Variants in LRRC7 observed in about 807,000 individuals in gnomAD.
The protein encoded by LRRC7 is leucine-rich repeat-containing protein 7.
Under a neutral mutation model 175.7 loss-of-function variants are expected in LRRC7, and 23 were observed. That is an observed-to-expected ratio of 0.13 (90% CI 0.09 to 0.19). LRRC7 has a LOEUF of 0.19. Ranked by LOEUF, LRRC7 falls within the 10% of genes least tolerant of loss-of-function variation. The pLI is 1.00. For synonymous variants in LRRC7, 685 were observed against 680.9 expected (o/e 1.01, Z -0.09); for missense variants, 1,354 against 1,904.7 (o/e 0.71, Z 5.38).
chr1:69,960,364 C>A (rs1407147707), intron 8 of LRRC7, among the ~76,000 whole-genome samples: 2 of 151,940 alleles, frequency 1.3e-5, no homozygotes, highest in South Asian at 2.1e-4. Flanking sequence ...CTATTTGATT[C>A]TTTGCTCTTT....
At chr1:69,605,699 A>G (rs888665013) in intron 1 of LRRC7, among the ~76,000 whole-genome samples, 10 of 152,188 alleles carry the variant, frequency 6.6e-5, no homozygotes, top group Admixed American at 6.6e-4. Flanking sequence ...AAAAGGAGAC[A>G]TTTCATTTGG....
intron 4 of LRRC7, among the ~76,000 whole-genome samples, chr1:69,819,097 C>G (rs973955406): frequency 3.3e-5 from 5 of 151,966 alleles, no homozygotes; most frequent in African/African-American, 9.7e-5. Flanking sequence ...TACTGCTGCT[C>G]TGATATTTGT....
intron 23 of LRRC7, among the ~76,000 whole-genome samples, chr1:70,055,338 A>G (rs563613939): frequency 6.6e-6 from 1 of 152,296 alleles, no homozygotes; most frequent in African/African-American, 2.4e-5. Context: ...GAGAAAGGAC[A>G]TGATCAAGTT....
chr1:69,704,968 C>T (rs1366868705), intron 2 of LRRC7, among the ~76,000 whole-genome samples: 1 of 152,074 alleles, frequency 6.6e-6, no homozygotes, highest in African/African-American at 2.4e-5. Context: ...TACCCTAAAA[C>T]CAAATTCCTT....
At chr1:69,992,223 C>T (rs145472409) in intron 10 of LRRC7, among the ~76,000 whole-genome samples, 2,119 of 152,018 alleles carry the variant, frequency 0.014, 45 homozygotes, top group African/African-American at 0.047. Flanking sequence ...CAACTATTTC[C>T]TTTCAAAGTT....
At chr1:69,626,631 C>T (rs914407455) in intron 1 of LRRC7, among the ~76,000 whole-genome samples, 3 of 151,776 alleles carry the variant, frequency 2.0e-5, no homozygotes, top group African/African-American at 7.3e-5. Context: ...TTGTTACATA[C>T]ATATACATTT....
intron 3 of LRRC7, among the ~76,000 whole-genome samples, chr1:69,774,836 A>G (rs934900649): frequency 2.2e-4 from 33 of 152,244 alleles, no homozygotes; most frequent in African/African-American, 7.7e-4. Flanking sequence ...TTCAAGTGCC[A>G]TAATATGAAA....
chr1:69,594,364 T>G (rs1252401810), intron 1 of LRRC7, among the ~76,000 whole-genome samples: 4 of 152,194 alleles, frequency 2.6e-5, no homozygotes, highest in South Asian at 4.1e-4. Flanking sequence ...AAAAGGATTA[T>G]AGTAACTTTT....
intron 1 of LRRC7, among the ~76,000 whole-genome samples, chr1:69,571,507 C>T (rs900251432): frequency 7.9e-5 from 12 of 152,068 alleles, no homozygotes; most frequent in African/African-American, 2.9e-4. Flanking sequence ...AAGTAATAAA[C>T]TATATTATCT....
chr1:69,807,983 G>T (rs144182862), intron 4 of LRRC7, among the ~76,000 whole-genome samples: 5,034 of 151,718 alleles, frequency 0.033, 247 homozygotes, highest in African/African-American at 0.11. Flanking sequence ...TTTCTTGGAG[G>T]CTTTGTTCAT....
At chr1:69,692,178 G>A (rs1306861863) in intron 2 of LRRC7, among the ~76,000 whole-genome samples, 1 of 152,198 alleles carries the variant, frequency 6.6e-6, no homozygotes, top group Non-Finnish European at 1.5e-5. Flanking sequence ...GTGAGGAGCA[G>A]ATTAATGTAG....
At chr1:69,827,919 A>T (rs1350237064) in intron 5 of LRRC7, among the ~76,000 whole-genome samples, 2 of 152,166 alleles carry the variant, frequency 1.3e-5, no homozygotes, top group African/African-American at 4.8e-5. Context: ...CCATCTCCAT[A>T]GTCAAGATAT....
chr1:69,576,135 G>A (rs1461051616), intron 1 of LRRC7, among the ~76,000 whole-genome samples: 1 of 151,260 alleles, frequency 6.6e-6, no homozygotes, highest in African/African-American at 2.4e-5. Context: ...AGGAGGCTGA[G>A]GTGGGAAGAT....
chr1:69,744,292 A>G (rs1022121093), intron 2 of LRRC7, among the ~76,000 whole-genome samples: 1 of 151,860 alleles, frequency 6.6e-6, no homozygotes, highest in African/African-American at 2.4e-5. Context: ...TACAATATAT[A>G]TAAACTCATT....
intron 2 of LRRC7, among the ~76,000 whole-genome samples, chr1:69,722,874 T>A (rs1666516956): frequency 1.3e-5 from 2 of 152,248 alleles, no homozygotes; most frequent in African/African-American, 4.8e-5. Flanking sequence ...ACTGTTTGTA[T>A]GTGATATATA....
At chr1:69,696,293 A>G (rs1187249707) in intron 2 of LRRC7, among the ~76,000 whole-genome samples, 1 of 152,202 alleles carries the variant, frequency 6.6e-6, no homozygotes, top group East Asian at 1.9e-4. Flanking sequence ...GCTGGGTTTC[A>G]GACTTGTGTG....
At chr1:69,777,537 C>G (rs986764512) in intron 3 of LRRC7, among the ~76,000 whole-genome samples, 1 of 152,162 alleles carries the variant, frequency 6.6e-6, no homozygotes, top group African/African-American at 2.4e-5. Flanking sequence ...AGTCTTCAAA[C>G]TTGTACATGC....
rs369098028 is a variant in LRRC7, at chr1:70,125,559, G to A, written c.*3672G>A. Among the ~76,000 whole-genome samples, 1 of 152,114 alleles carries A rather than the reference G, an allele frequency of 6.6e-6. No homozygotes were observed. The highest frequency in any genetic ancestry group is 6.5e-5 in the Admixed American group (1 of 15,282). ...TGTAATCCCAGCACTTTGGGAGGCC[G>A]AGGCGGGCGGATCACGAGGTCAGGA... is the stretch of plus-strand genomic sequence containing the variant. On this transcript the variant is annotated 3_prime_UTR_variant, in exon 27 of 27. Coordinates refer to ENST00000651989, the MANE Select transcript of LRRC7 (RefSeq NM_001370785.2).
chr1:69,933,591 A>G (rs1253294946), intron 8 of LRRC7, among the ~76,000 whole-genome samples: 2 of 152,226 alleles, frequency 1.3e-5, no homozygotes, highest in Admixed American at 6.5e-5. Context: ...TAAGGGCATC[A>G]GTCTTCTCTA....
Sources: allele counts gnomAD v4.1 joint callset (sites outside exome capture counted in the v4.1 genomes callset), GRCh38; gene constraint gnomAD v4.1.1; transcripts MANE v1.5; gene names NCBI Gene and HGNC (gene_info 2026-07-23, HGNC 2026-07-21).